The following CFHR1 variants were observed in gnomAD, a reference collection of about 807,000 sequenced individuals.
The protein encoded by CFHR1 is complement factor H-related protein 1.
Under a neutral mutation model 30.4 loss-of-function variants are expected in CFHR1, and 22 were observed. That is an observed-to-expected ratio of 0.72 (90% CI 0.52 to 1.03). The LOEUF (loss-of-function observed/expected upper bound fraction) is 1.03. Among genes scored for constraint, CFHR1 ranks in the 50% least tolerant of loss-of-function variants. The probability of loss-of-function intolerance (pLI) is 0.00; values close to 1 mark genes in which losing one functional copy is unlikely to be tolerated. For synonymous variants in CFHR1, 95 were observed against 129.1 expected (o/e 0.74, Z 1.79); for missense variants, 248 against 380.6 (o/e 0.65, Z 2.90).
intron 3 of CFHR1, 135 bp downstream of exon 3, chr1:196,827,140 G>A: frequency 1.0e-6 from 1 of 984,446 alleles, no homozygotes; most frequent in Non-Finnish European, 1.5e-6. Flanking sequence ...TTCCAATTGT[G>A]TCCAAGTGGA....
chr1:196,826,998 G>T lies in CFHR1; in HGVS notation c.423G>T (p.Arg141Ser). 1 of 1,524,022 alleles carries T rather than the reference G, an allele frequency of 6.6e-7. No homozygotes were observed. Among genetic ancestry groups the T allele is most frequent in the Non-Finnish European group, 8.9e-7 (1 of 1,128,518 alleles). 94.4% of individuals were successfully genotyped at this position (1,524,022 alleles called of 1,614,324 possible). A position where few individuals can be genotyped will look rare whatever the true frequency, so the allele number is the denominator to read the frequency against. Residue 141 changes from arginine (R) to serine (S), a missense_variant, in exon 3 of 6, where the codon AGG becomes AGT. Physicochemically the swap from Arg to Ser is moderately radical, Grantham distance 110. This residue lies in a region of CFHR1 where 121 missense variants were observed against 162.6 expected (regional missense o/e 0.74). Transcript: ENST00000320493. ...GCTGGTCCACCCCTCCCAAATGCAG[G>T]TCCACTGGTAAGTACAATGCTGTTC... is the stretch of plus-strand genomic sequence containing the variant. The part of the protein sequence containing the change: ...ERGWSTPPKC[R>S]STDTSCVNPP...
At chr1:196,830,401 T>A (rs1422532180) in intron 4 of CFHR1, 99 bp from the exon 5 acceptor site, 3 of 1,278,976 alleles carry the variant, frequency 2.3e-6, no homozygotes, top group Non-Finnish European at 3.3e-6. Context: ...CACAAAACTG[T>A]TGATATTATA....
intron 1 of CFHR1, among the ~76,000 whole-genome samples, chr1:196,824,755 T>A (rs1263699909): frequency 9.8e-6 from 1 of 101,868 alleles, no homozygotes; most frequent in East Asian, 2.3e-4. Context: ...ACTGTATATA[T>A]ATATATATAT....
chr1:196,830,364 C>A, intron 4 of CFHR1, 136 bp from the exon 5 acceptor site: 1 of 988,058 alleles, frequency 1.0e-6, no homozygotes, highest in East Asian at 2.5e-5. Context: ...AAAATTTCTT[C>A]CAGGACTCAT....
rs1466081820 is a variant in CFHR1 at position 196,825,068 on chromosome 1, G to T, written c.59-409G>T. On this transcript the variant is annotated intron_variant, in intron 1 of 5. Transcript: ENST00000320493. ...AGAGTTTCTGGCAGAGACACCTATG[G>T]CAGTCAATGAGAATAGAGAAAATAA... is the stretch of plus-strand genomic sequence containing the variant. Among the ~76,000 whole-genome samples, 2 of 131,412 alleles carry T rather than the reference G, an allele frequency of 1.5e-5. 1 individual carries two copies. The highest frequency in any genetic ancestry group is 3.2e-5 in the Non-Finnish European group (2 of 63,400). The allele number at this position is 131,412 out of a possible 152,430, so 86.2% of individuals were successfully genotyped here. A position where few individuals can be genotyped will look rare whatever the true frequency, so the allele number is the denominator to read the frequency against.
intron 4 of CFHR1, among the ~76,000 whole-genome samples, chr1:196,828,698 C>G (rs1655432181): frequency 7.5e-6 from 1 of 132,750 alleles, no homozygotes; most frequent in African/African-American, 3.2e-5. Context: ...AGCACATAGT[C>G]CTGGGTCATT....
At position 196,827,969 on chromosome 1, in the gene CFHR1, A is replaced by G; in HGVS notation, c.431-101A>G. 3 of 1,042,404 alleles carry G rather than the reference A, an allele frequency of 2.9e-6. 1 individual carries two copies. Among genetic ancestry groups the G allele is most frequent in the Non-Finnish European group, 4.0e-6 (3 of 747,210 alleles). 64.6% of individuals were successfully genotyped at this position (1,042,404 alleles called of 1,614,324 possible). Reference sequence around the variant, plus strand: ...AACAAAATATTTGATGAGATTGTCTACTTATTTTAAATTCGTCTTGAAACA... The same window carrying G: ...AACAAAATATTTGATGAGATTGTCTGCTTATTTTAAATTCGTCTTGAAACA... On this transcript the variant is annotated intron_variant, in intron 3 of 5. Coordinates refer to ENST00000320493, the MANE Select transcript of CFHR1 (RefSeq NM_002113.3).
intron 1 of CFHR1, among the ~76,000 whole-genome samples, chr1:196,824,748 G>GTATATATATATATA (rs71131725): frequency 0.018 from 1,001 of 54,732 alleles, 35 homozygotes; most frequent in African/African-American, 0.025. Context: ...GGGGCTGACT[G>GTATATATATATATA]TATATATATA....
intron 3 of CFHR1, among the ~76,000 whole-genome samples, chr1:196,827,582 T>G (rs1245285584): frequency 7.3e-6 from 1 of 136,246 alleles, no homozygotes. Flanking sequence ...TTTCAAAATG[T>G]GTTTTTAAAT....
Position 196,832,174 on chromosome 1 carries a change from A to C in CFHR1, c.*175A>C, listed in dbSNP as rs1655594734. On this transcript the variant is annotated 3_prime_UTR_variant, in exon 6 of 6. Transcript: ENST00000320493. ...CTCTCTTCTTAAAAGCACCATATTAAAACTTGGAAAACTAACTGTTGTGTC... is the reference window on the plus strand; with the variant it reads ...CTCTCTTCTTAAAAGCACCATATTACAACTTGGAAAACTAACTGTTGTGTC... 8.6e-6 allele frequency: 6 copies of C among 694,284 alleles called. 1 individual carries two copies. The highest frequency in any genetic ancestry group is 1.4e-5 in the Non-Finnish European group (6 of 437,344). The allele number at this position is 694,284 out of a possible 1,614,324, so 43.0% of individuals were successfully genotyped here.
intron 1 of CFHR1, 54 bp from the exon 2 acceptor site, chr1:196,825,423 G>A (rs1655284281): frequency 8.3e-7 from 1 of 1,205,454 alleles, no homozygotes; most frequent in African/African-American, 2.0e-5. Flanking sequence ...ATAATCTAGT[G>A]ATTTATTTAT....
intron 1 of CFHR1, among the ~76,000 whole-genome samples, chr1:196,823,062 G>T (rs1392399172): frequency 7.6e-6 from 1 of 132,344 alleles, no homozygotes; most frequent in East Asian, 2.0e-4. Context: ...ATGTCATTAT[G>T]TGGTGAATAA....
Position 196,829,965 on chromosome 1 carries a change from G to C in CFHR1, c.608-535G>C, listed in dbSNP as rs1258635545. Among the ~76,000 whole-genome samples, 11 of 133,810 alleles carry C rather than the reference G, an allele frequency of 8.2e-5. 3 individuals carry two copies. The highest frequency in any genetic ancestry group is 3.5e-4 in the African/African-American group (11 of 31,088). 87.8% of individuals were successfully genotyped at this position (133,810 alleles called of 152,430 possible). On this transcript the variant is annotated intron_variant, in intron 4 of 5. Transcript: ENST00000320493. Reference sequence around the variant, plus strand: ...TCTGAATGTCTCAGTTCAGTTTTTTGTTTTCAGTCTATTTTCAGAGTGGGT... The same window carrying C: ...TCTGAATGTCTCAGTTCAGTTTTTTCTTTTCAGTCTATTTTCAGAGTGGGT...
intron 2 of CFHR1, 74 bp downstream of exon 2, chr1:196,825,745 G>A: frequency 7.3e-7 from 1 of 1,370,096 alleles, no homozygotes; most frequent in Admixed American, 1.8e-5. Context: ...AAGATCATAA[G>A]GTCTTGATAA....
chr1:196,827,694 T>A (rs1338244117), intron 3 of CFHR1, among the ~76,000 whole-genome samples: 2 of 133,674 alleles, frequency 1.5e-5, no homozygotes, highest in Non-Finnish European at 3.1e-5. Context: ...TCACATAATC[T>A]ATTTATGCTG....
At chr1:196,827,038 A>T (rs556680440) in intron 3 of CFHR1, 33 bp downstream of exon 3, 7 of 1,495,968 alleles carry the variant, frequency 4.7e-6, no homozygotes, top group Non-Finnish European at 6.3e-6. Flanking sequence ...ATATGCTGTT[A>T]TCTATTATAA....
intron 4 of CFHR1, among the ~76,000 whole-genome samples, chr1:196,829,372 T>C (rs1230471398): frequency 1.5e-5 from 2 of 135,296 alleles, no homozygotes; most frequent in African/African-American, 6.3e-5. Flanking sequence ...GAAAAAGATA[T>C]CGTGTTATAT....
chr1:196,831,066 A>G lies in CFHR1; in HGVS notation c.790+384A>G, dbSNP rs1655538501. Reference sequence around the variant, plus strand: ...AAAATGGCGGGAACCCGGGAGGCGGAGCTTGCAGTGAGCCGAGTTCGCGCC... The same window carrying G: ...AAAATGGCGGGAACCCGGGAGGCGGGGCTTGCAGTGAGCCGAGTTCGCGCC... On this transcript the variant is annotated intron_variant, in intron 5 of 5. Coordinates refer to ENST00000320493, the MANE Select transcript of CFHR1 (RefSeq NM_002113.3). Among the ~76,000 whole-genome samples, 3 of 135,382 alleles carry G rather than the reference A, an allele frequency of 2.2e-5. 1 individual carries two copies. The highest frequency in any genetic ancestry group is 5.1e-4 in the South Asian group (2 of 3,914). 88.8% of individuals were successfully genotyped at this position (135,382 alleles called of 152,430 possible). A position where few individuals can be genotyped will look rare whatever the true frequency, so the allele number is the denominator to read the frequency against.
At position 196,829,337 on chromosome 1, in the gene CFHR1, A is replaced by G. The variant is rs1303705690; in HGVS notation, c.607+1091A>G. On this transcript the variant is annotated intron_variant, in intron 4 of 5. Coordinates refer to ENST00000320493, the MANE Select transcript of CFHR1 (RefSeq NM_002113.3). ...ATTAAACTCATTTGCTTCAAATATC[A>G]AACATAATTGAAAAAACTTATGAGG... 1.5e-5 allele frequency among the ~76,000 whole-genome samples: 2 copies of G among 135,350 alleles called. 1 individual carries two copies. The highest frequency in any genetic ancestry group is 3.1e-5 in the Non-Finnish European group (2 of 64,222). 88.8% of individuals were successfully genotyped at this position (135,350 alleles called of 152,430 possible). A position where few individuals can be genotyped will look rare whatever the true frequency, so the allele number is the denominator to read the frequency against.
Sources: allele counts gnomAD v4.1 joint callset (sites outside exome capture counted in the v4.1 genomes callset), GRCh38; gene constraint gnomAD v4.1.1; regional missense constraint gnomAD v4.1.1; transcripts MANE v1.5; gene names NCBI Gene and HGNC (gene_info 2026-07-23, HGNC 2026-07-21).